Variants in DCC observed in about 807,000 individuals in gnomAD.
The protein encoded by DCC is netrin receptor DCC.
In DCC, 58 loss-of-function variants were observed where a neutral mutation model predicts 172.5. That is an observed-to-expected ratio of 0.34 (90% CI 0.27 to 0.42). DCC has a LOEUF of 0.42. Ranked by LOEUF, DCC falls within the 10% of genes least tolerant of loss-of-function variation. The pLI, the probability that DCC is intolerant of heterozygous loss-of-function variation, is 1.00. For synonymous variants in DCC, 709 were observed against 644.5 expected, an observed-to-expected ratio of 1.10 and a Z score of -1.52; for missense variants, 1,740 against 1,791.0, an observed-to-expected ratio of 0.97 and a Z score of 0.51.
intron 12 of DCC, among the ~76,000 whole-genome samples, chr18:53,267,105 C>CTG: frequency 7.1e-6 from 1 of 140,144 alleles, no homozygotes; most frequent in Non-Finnish European, 1.6e-5. Flanking sequence ...CACACACTCT[C>CTG]TCTCTCACAC....
intron 1 of DCC, among the ~76,000 whole-genome samples, chr18:52,674,577 A>G (rs1398916603): frequency 6.6e-6 from 1 of 152,178 alleles, no homozygotes; most frequent in Non-Finnish European, 1.5e-5. Context: ...GACACATAAA[A>G]TTTCCCATCA....
At chr18:52,611,256 C>A (rs1464350395) in intron 1 of DCC, among the ~76,000 whole-genome samples, 1 of 152,114 alleles carries the variant, frequency 6.6e-6, no homozygotes, top group African/African-American at 2.4e-5. Context: ...TCCCTCCCTG[C>A]CATCTTTCCT....
chr18:53,047,903 ATGTGTGTG>A (rs35014270), intron 5 of DCC, among the ~76,000 whole-genome samples: 22 of 146,774 alleles, frequency 1.5e-4, no homozygotes, highest in South Asian at 2.2e-4. Context: ...TTCCTTCGAG[ATGTGTGTG>A]TGTGTGTGTG....
intron 16 of DCC, among the ~76,000 whole-genome samples, chr18:53,387,769 G>A (rs565013701): frequency 1.4e-4 from 21 of 152,256 alleles, no homozygotes; most frequent in African/African-American, 4.1e-4. Context: ...CCCAGTAGCC[G>A]CTCATTGCCA....
chr18:53,404,414 A>C (rs1282192136), intron 19 of DCC, among the ~76,000 whole-genome samples: 1 of 91,088 alleles, frequency 1.1e-5, no homozygotes, highest in Non-Finnish European at 2.7e-5. Context: ...AAAAAAAAAA[A>C]ATAGAAGTCT....
chr18:53,456,285 G>A (rs1479460640), intron 23 of DCC, among the ~76,000 whole-genome samples: 1 of 152,142 alleles, frequency 6.6e-6, no homozygotes, highest in African/African-American at 2.4e-5. Flanking sequence ...AAAAAATAGA[G>A]CACCAGCACC....
intron 1 of DCC, among the ~76,000 whole-genome samples, chr18:52,408,313 A>AT (rs5824934): frequency 0.78 from 118,305 of 151,756 alleles, 46,378 homozygotes; most frequent in Middle Eastern, 0.82. Flanking sequence ...AGACATTTTA[A>AT]TTTTTTTAAG....
intron 1 of DCC, among the ~76,000 whole-genome samples, chr18:52,478,012 G>T (rs929043881): frequency 6.6e-6 from 1 of 151,866 alleles, no homozygotes; most frequent in Non-Finnish European, 1.5e-5. Context: ...GTCTCCCTTT[G>T]TTCCCCAGGC....
intron 7 of DCC, among the ~76,000 whole-genome samples, chr18:53,099,399 T>C (rs566850306): frequency 6.6e-6 from 1 of 152,288 alleles, no homozygotes; most frequent in Non-Finnish European, 1.5e-5. Flanking sequence ...TGACATGTTT[T>C]AATTACATTG....
chr18:53,444,075 T>C (rs1279173026), intron 22 of DCC, among the ~76,000 whole-genome samples: 1 of 152,230 alleles, frequency 6.6e-6, no homozygotes, highest in African/African-American at 2.4e-5. Flanking sequence ...ATTGGTAATA[T>C]TACGTAAACT....
chr18:52,398,975 TAAAC>T (rs963070630), intron 1 of DCC, among the ~76,000 whole-genome samples: 2 of 151,856 alleles, frequency 1.3e-5, no homozygotes, highest in African/African-American at 2.4e-5. Context: ...AATAAATAAA[TAAAC>T]AAATAAATAA....
chr18:52,652,711 AGT>A (rs71175513), intron 1 of DCC, among the ~76,000 whole-genome samples: 29 of 143,404 alleles, frequency 2.0e-4, no homozygotes, highest in South Asian at 9.2e-4. Flanking sequence ...ACTGCAATAA[AGT>A]GTGTGTGTGT....
intron 19 of DCC, among the ~76,000 whole-genome samples, chr18:53,406,071 G>A (rs1301395939): frequency 1.3e-5 from 2 of 152,122 alleles, no homozygotes; most frequent in African/African-American, 2.4e-5. Flanking sequence ...ATGAAACATA[G>A]GCCTAAATAA....
At chr18:53,171,045 C>A (rs544457023) in intron 8 of DCC, among the ~76,000 whole-genome samples, 5 of 152,002 alleles carry the variant, frequency 3.3e-5, no homozygotes, top group African/African-American at 1.2e-4. Flanking sequence ...CCACCATGCC[C>A]GGCTAATTTT....
chr18:52,997,644 G>A (rs2041502578), intron 5 of DCC, among the ~76,000 whole-genome samples: 1 of 152,062 alleles, frequency 6.6e-6, no homozygotes, highest in South Asian at 2.1e-4. Context: ...CTCCAGGTAA[G>A]AAAGAGTCTC....
chr18:53,240,445 C>A (rs1265097167), intron 12 of DCC, among the ~76,000 whole-genome samples: 1 of 152,088 alleles, frequency 6.6e-6, no homozygotes, highest in Non-Finnish European at 1.5e-5. Flanking sequence ...TAAAAGCTAC[C>A]AATCCTGGGT....
At chr18:52,730,742 G>A (rs1032863734) in intron 1 of DCC, among the ~76,000 whole-genome samples, 3 of 152,148 alleles carry the variant, frequency 2.0e-5, no homozygotes, top group Admixed American at 6.5e-5. Flanking sequence ...CTGGAATCTG[G>A]AAGGGTTAGG....
At chr18:53,279,927 G>A (rs7239891) in intron 12 of DCC, among the ~76,000 whole-genome samples, 7,260 of 151,858 alleles carry the variant, frequency 0.048, 604 homozygotes, top group African/African-American at 0.17. Flanking sequence ...CGGACACTGG[G>A]GTCTACTTAA....
intron 13 of DCC, among the ~76,000 whole-genome samples, chr18:53,316,572 G>T (rs1356050985): frequency 6.6e-6 from 1 of 151,560 alleles, no homozygotes; most frequent in African/African-American, 2.4e-5. Flanking sequence ...TCATGATATT[G>T]ATTCTTCCTA....
Sources: allele counts gnomAD v4.1 joint callset (sites outside exome capture counted in the v4.1 genomes callset), GRCh38; gene constraint gnomAD v4.1.1; transcripts MANE v1.5; gene names NCBI Gene and HGNC (gene_info 2026-07-23, HGNC 2026-07-21).